Variants in USP42 observed in about 807,000 individuals in gnomAD.
The protein encoded by USP42 is ubiquitin carboxyl-terminal hydrolase 42.
A neutral mutation model predicts 113.0 loss-of-function variants in USP42; 23 were observed. The observed-to-expected ratio is 0.20, with a 90% confidence interval of 0.15 to 0.29. The LOEUF is 0.29. Among genes scored for constraint, USP42 ranks in the 10% least tolerant of loss-of-function variants. The pLI is 1.00. For synonymous variants in USP42, 933 were observed against 699.0 expected (o/e 1.33, Z -5.28); for missense variants, 2,174 against 1,779.8 (o/e 1.22, Z -3.99).
At position 6,158,096 on chromosome 7, in the gene USP42, CCTT is replaced by C. The variant is rs1782565356; in HGVS notation, c.3943+1042_3943+1044del. On this transcript the variant is annotated intron_variant, in intron 16 of 17. Transcript: ENST00000306177. The surrounding 1 kb of genome is among the most constrained non-coding windows in gnomAD (Gnocchi z 4.2). The stretch of plus-strand genomic sequence containing the variant: ...AACTTGGAGTTAAGAATGGTTTTAA[CCTT>C]TTTAAGTGGTTGGAAATAATCCCAA... Among the ~76,000 whole-genome samples the C allele has an allele frequency of 6.6e-6, 1 of 152,200 alleles. No individual in the cohort carries two copies. Among genetic ancestry groups the C allele is most frequent in the Non-Finnish European group, 1.5e-5 (1 of 68,034 alleles).
chr7:6,149,165 C>T (rs1176533764), intron 12 of USP42, among the ~76,000 whole-genome samples: 2 of 152,148 alleles, frequency 1.3e-5, no homozygotes, highest in African/African-American at 2.4e-5. Context: ...GAAGCAGCCC[C>T]TACTCTCCGC....
chr7:6,125,121 C>G (rs1780454340), intron 3 of USP42, among the ~76,000 whole-genome samples: 1 of 144,182 alleles, frequency 6.9e-6, no homozygotes, highest in Non-Finnish European at 1.5e-5. Context: ...TTGGAGGTTT[C>G]AGTGAGCCGA....
intron 3 of USP42, among the ~76,000 whole-genome samples, chr7:6,122,889 T>C (rs1232785078): frequency 1.3e-5 from 2 of 151,684 alleles, no homozygotes; most frequent in South Asian, 2.1e-4. Flanking sequence ...AGTGGTATGA[T>C]CTTGGTTCGC....
chr7:6,147,585 AG>A (rs1313547569), intron 11 of USP42, among the ~76,000 whole-genome samples, 153 bp from the exon 12 acceptor site: 2 of 152,226 alleles, frequency 1.3e-5, no homozygotes, highest in Non-Finnish European at 2.9e-5. Context: ...AGCCTGAAGG[AG>A]GGGATGTGTA....
chr7:6,089,455 C>T, the USP42 span, among the ~76,000 whole-genome samples: 21 of 150,640 alleles, frequency 1.4e-4, no homozygotes, highest in East Asian at 3.1e-3. Context: ...ATTTTAAAAA[C>T]GTAATACATA....
At chr7:6,082,616 T>TTC in the USP42 span, among the ~76,000 whole-genome samples, 3 of 86,222 alleles carry the variant, frequency 3.5e-5, no homozygotes, top group African/African-American at 7.3e-5. Flanking sequence ...TTTTTTTTTT[T>TTC]TTTTTTTTTT....
the USP42 span, chr7:6,081,384 G>C: frequency 6.6e-6 from 1 of 152,106 alleles, no homozygotes; most frequent in East Asian, 1.9e-4. Context: ...GATGGCGGGC[G>C]GCGCAGCCAC....
the USP42 span, among the ~76,000 whole-genome samples, chr7:6,083,581 C>CAT: frequency 4.0e-5 from 6 of 150,058 alleles, no homozygotes; most frequent in African/African-American, 1.0e-4. Context: ...TGTATGTATA[C>CAT]ATATATATAC....
Position 6,135,955 on chromosome 7 carries a change from AGTATTAACTATT to A in USP42, c.553+8_553+19del. 1 of 1,542,076 alleles carries A rather than the reference AGTATTAACTATT, an allele frequency of 6.5e-7. No homozygotes were observed. The highest frequency in any genetic ancestry group is 8.8e-7 in the Non-Finnish European group (1 of 1,133,210). On this transcript the variant is annotated splice_donor_5th_base_variant and intron_variant, in intron 4 of 17. Transcript: ENST00000306177. ...TTTGTCATCAATGAGATGCGGCGTAAGTATTAACTATTGTAGTTTTATATTTGTATTTATTAC... is the reference window on the plus strand; with the variant it reads ...TTTGTCATCAATGAGATGCGGCGTAAGTAGTTTTATATTTGTATTTATTAC...
Position 6,155,176 on chromosome 7 carries a change from C to T in USP42, c.3622C>T (p.His1208Tyr). 6.5e-7 allele frequency: 1 copy of T among 1,535,714 alleles called. No individual in the cohort carries two copies. The highest frequency in any genetic ancestry group is 8.7e-7 in the Non-Finnish European group (1 of 1,145,314). Residue 1208 changes from histidine (H) to tyrosine (Y), a missense_variant, in exon 15 of 18, where the codon CAC becomes TAC. Transcript: ENST00000306177. ...SKKKKKSKDK[H>Y]RDRDSRHQQD... ...GAAGAAAAAGAAATCCAAAGACAAA[C>T]ACCGAGACCGCGACTCCAGGTGAGC...
At chr7:6,147,969 G>C in intron 12 of USP42, 77 bp downstream of exon 12, 1 of 1,396,596 alleles carries the variant, frequency 7.2e-7, no homozygotes, top group East Asian at 2.4e-5. Flanking sequence ...TTGAATTGTA[G>C]TGGTTGCTGT....
At chr7:6,136,001 ACTT>A in intron 4 of USP42, 50 bp downstream of exon 4, 2 of 917,256 alleles carry the variant, frequency 2.2e-6, no homozygotes, top group Non-Finnish European at 3.0e-6. Context: ...ACCTAGTTAT[ACTT>A]TTTTTTTTTT....
At chr7:6,098,457 C>G in the USP42 span, among the ~76,000 whole-genome samples, 1 of 150,192 alleles carries the variant, frequency 6.7e-6, no homozygotes, top group Non-Finnish European at 1.5e-5. Context: ...TTTGATTCCA[C>G]TCCTCCCTTA....
chr7:6,156,190 T>C (rs567223014), intron 15 of USP42, among the ~76,000 whole-genome samples: 1 of 152,182 alleles, frequency 6.6e-6, no homozygotes, highest in Admixed American at 6.5e-5. Flanking sequence ...AAAAGCCATA[T>C]GGAAAATAGG....
In USP42 at chr7:6,153,836, A is replaced by G; in HGVS notation, c.2282A>G (p.Glu761Gly). The G allele has an allele frequency of 6.5e-7, 1 of 1,542,898 alleles. No homozygotes were observed. The highest frequency in any genetic ancestry group is 8.7e-7 in the Non-Finnish European group (1 of 1,143,694). ...QPGSPAAESL[E>G]EPDAAAGLSS... ...GGCAGCCCCGCCGCCGAATCCCTGG[A>G]GGAGCCAGATGCGGCCGCCGGCCTC... Residue 761 changes from glutamate (E) to glycine (G), a missense_variant, in exon 15 of 18, where the codon GAG becomes GGG. Glu to Gly is a moderately conservative substitution (Grantham distance 98, BLOSUM62 -2). Transcript: ENST00000306177.
At chr7:6,109,700 CTT>C (rs34684085) in intron 1 of USP42, among the ~76,000 whole-genome samples, 2,644 of 125,522 alleles carry the variant, frequency 0.021, 34 homozygotes, top group Middle Eastern at 0.059. Context: ...CCCGCCCGGC[CTT>C]TTTTTTTTTT....
intron 14 of USP42, among the ~76,000 whole-genome samples, chr7:6,152,456 A>G (rs10254043): frequency 0.46 from 69,888 of 152,150 alleles, 19,666 homozygotes; most frequent in African/African-American, 0.78. Flanking sequence ...GGTGCTGTTC[A>G]TGCTGGCGGG....
chr7:6,128,233 G>GTGAGCCAC (rs1267213637), intron 3 of USP42: 1 of 150,366 alleles, frequency 6.7e-6, no homozygotes, highest in East Asian at 1.9e-4. Context: ...AATTACAGGT[G>GTGAGCCAC]TGAGCCACTG....
chr7:6,155,167 A>G lies in USP42; in HGVS notation c.3613A>G (p.Lys1205Glu). 2 of 1,541,082 alleles carry G rather than the reference A, an allele frequency of 1.3e-6. No homozygotes were observed. The highest frequency in any genetic ancestry group is 4.9e-5 in the East Asian group (2 of 40,888). ...HKKSKKKKKS[K>E]DKHRDRDSRH... ...AAAATCAAAGAAGAAAAAGAAATCC[A>G]AAGACAAACACCGAGACCGCGACTC... The change falls in exon 15 of 18, where the codon AAA becomes GAA. Residue 1205 changes from lysine (K) to glutamate (E), a missense_variant. Coordinates refer to ENST00000306177, the MANE Select transcript of USP42 (RefSeq NM_032172.3).
Sources: allele counts gnomAD v4.1 joint callset (sites outside exome capture counted in the v4.1 genomes callset), GRCh38; gene constraint gnomAD v4.1.1; non-coding constraint Gnocchi (gnomAD v3.1); transcripts MANE v1.5; gene names NCBI Gene and HGNC (gene_info 2026-07-23, HGNC 2026-07-21).